TDRD12: variants seen among roughly 807,000 people sequenced by gnomAD.
TDRD12 encodes the protein tudor domain containing 12, also known as putative ATP-dependent RNA helicase TDRD12.
A neutral mutation model predicts 133.5 loss-of-function variants in TDRD12; 158 were observed. The ratio of observed to expected loss-of-function variants is 1.18; its 90% CI spans 1.04 to 1.35. The LOEUF (loss-of-function observed/expected upper bound fraction) is 1.35, where lower values mean the gene tolerates loss of function less well. Ranked by LOEUF, TDRD12 falls within the 40% of genes most tolerant of loss-of-function variation. The pLI is 0.00. For missense variants in TDRD12, 1,443 were observed against 1,321.3 expected (o/e 1.09, Z -1.43); for synonymous variants, 460 against 477.9 (o/e 0.96, Z 0.49).
At chr19:32,823,846 G>T (rs1378679254), downstream of TDRD12, among the ~76,000 whole-genome samples, 1 of 152,220 alleles carries the variant, frequency 6.6e-6, no homozygotes, top group African/African-American at 2.4e-5. Flanking sequence ...TGCAGAGTGG[G>T]GCTGAAGAGG....
Position 32,827,158 on chromosome 19 carries a change from CTTTAGTAGTGAAT to C in TDRD12, c.1050-4_*6del. 1 of 1,204,012 alleles carries C rather than the reference CTTTAGTAGTGAAT, an allele frequency of 8.3e-7. No homozygotes were observed. Among genetic ancestry groups the C allele is most frequent in the Non-Finnish European group, 1.0e-6 (1 of 962,418 alleles). 74.6% of individuals were successfully genotyped at this position (1,204,012 alleles called of 1,614,324 possible). Reference sequence around the variant, plus strand: ...ACTTATTTGTTATAATATCTTACTCCTTTAGTAGTGAATTCTAAAAACCTGCCGTACACAGTGA... The same window carrying C: ...ACTTATTTGTTATAATATCTTACTCCTCTAAAAACCTGCCGTACACAGTGA... On this transcript the variant is annotated splice_acceptor_variant and splice_polypyrimidine_tract_variant and coding_sequence_variant and 3_prime_UTR_variant and intron_variant, in exon 10 of 10. Transcript: ENST00000637289. LOFTEE classifies it high-confidence loss of function.
chr19:32,757,044 A>C (rs1169019113), exon 8 of TDRD12: 3 of 1,551,492 alleles, frequency 1.9e-6, no homozygotes, highest in Non-Finnish European at 2.6e-6. Context: ...TCAGATTCAC[A>C]TGGTGTAAAT....
At chr19:32,799,773 C>T (rs566886337) in intron 16 of TDRD12, among the ~76,000 whole-genome samples, 10 of 127,896 alleles carry the variant, frequency 7.8e-5, no homozygotes, top group African/African-American at 2.4e-4. Context: ...CCACCCTCGT[C>T]GCCCAGGCTG....
chr19:32,796,056 G>A, intron 14 of TDRD12: 2 of 589,602 alleles, frequency 3.4e-6, no homozygotes, highest in South Asian at 7.4e-5. Context: ...AAGAGGTGGT[G>A]GGAAAGAGAG....
intron 5 of TDRD12, 43 bp from the exon 6 acceptor site, chr19:32,749,741 C>A: frequency 7.1e-7 from 1 of 1,402,188 alleles, no homozygotes; most frequent in Non-Finnish European, 9.8e-7. Context: ...TTCAAATATA[C>A]TTTTAACATC....
chr19:32,812,153 G>A (rs1252007341), intron 24 of TDRD12, among the ~76,000 whole-genome samples: 7 of 152,222 alleles, frequency 4.6e-5, no homozygotes, highest in Non-Finnish European at 1.0e-4. Context: ...GGCTCCATGC[G>A]GGCTCACGTG....
At chr19:32,774,506 A>T (rs1438484749) in intron 10 of TDRD12, among the ~76,000 whole-genome samples, 2 of 151,578 alleles carry the variant, frequency 1.3e-5, no homozygotes, top group Admixed American at 1.3e-4. Context: ...TTTGAAAAGG[A>T]TACCTTTGCT....
chr19:32,745,992 G>A lies in TDRD12; in HGVS notation c.441-2484G>A, dbSNP rs1969604291. Among the ~76,000 whole-genome samples, 3 of 122,394 alleles carry A rather than the reference G, an allele frequency of 2.5e-5. No homozygotes were observed. The South Asian group carries it at 7.8e-4, about 32-fold the overall frequency. 80.3% of individuals were successfully genotyped at this position (122,394 alleles called of 152,430 possible). A position where few individuals can be genotyped will look rare whatever the true frequency, so the allele number is the denominator to read the frequency against. ...GCTGATGTGGTCATTCTGTGTGTGT[G>A]TGTGTGTGAGAGAGAGAAGGAGAGA... On this transcript the variant is annotated intron_variant, in intron 4 of 27. Transcript: ENST00000444215.
intron 11 of TDRD12, among the ~76,000 whole-genome samples, chr19:32,784,448 T>C (rs1179860940): frequency 6.6e-6 from 1 of 152,152 alleles, no homozygotes; most frequent in Non-Finnish European, 1.5e-5. Flanking sequence ...GGCCTAAAAT[T>C]CTTTTTTTGT....
At chr19:32,746,357 A>G (rs1969628077) in intron 4 of TDRD12, among the ~76,000 whole-genome samples, 1 of 69,316 alleles carries the variant, frequency 1.4e-5, no homozygotes, top group African/African-American at 6.0e-5. Context: ...AGAGAGGGGG[A>G]GAGAGACTGG....
intron 8 of TDRD12, 66 bp downstream of exon 8, chr19:32,757,196 A>G: frequency 7.7e-7 from 1 of 1,305,356 alleles, no homozygotes; most frequent in Non-Finnish European, 1.1e-6. Flanking sequence ...CTTTTTAAAG[A>G]TTAGAAAGGT....
intron 11 of TDRD12, among the ~76,000 whole-genome samples, chr19:32,781,295 C>T (rs1970758735): frequency 6.6e-6 from 1 of 152,186 alleles, no homozygotes; most frequent in Admixed American, 6.5e-5. Context: ...GTTATCTAAA[C>T]TCAGGTTCTC....
At chr19:32,813,813 G>A in intron 25 of TDRD12, 37 bp downstream of exon 25, 1 of 1,190,772 alleles carries the variant, frequency 8.4e-7, no homozygotes, top group South Asian at 1.4e-5. Flanking sequence ...AAATTTGTTT[G>A]AATGGGCGGC....
At chr19:32,804,425 G>T (rs1279871015) in intron 21 of TDRD12, among the ~76,000 whole-genome samples, 1 of 150,934 alleles carries the variant, frequency 6.6e-6, no homozygotes, top group Admixed American at 6.6e-5. Context: ...CAGGTGCAGT[G>T]GCTCACACCT....
downstream of TDRD12, chr19:32,821,369 AGTGTGTGT>A (rs59054756): frequency 8.2e-3 from 2,880 of 351,410 alleles, 33 homozygotes; most frequent in African/African-American, 0.04. Context: ...AGCTCAGCAG[AGTGTGTGT>A]GTGTGTGTGT....
chr19:32,734,939 A>G (rs1017076474), intron 2 of TDRD12, among the ~76,000 whole-genome samples: 14 of 152,170 alleles, frequency 9.2e-5, no homozygotes, highest in African/African-American at 3.4e-4. Context: ...TTGGGGTGCC[A>G]CGAATTGCAC....
At chr19:32,736,286 C>G (rs547794438) in intron 2 of TDRD12, among the ~76,000 whole-genome samples, 1 of 152,090 alleles carries the variant, frequency 6.6e-6, no homozygotes, top group African/African-American at 2.4e-5. Context: ...TATGGTGGCA[C>G]GTGTCCACAG....
chr19:32,730,825 G>A (rs1057313409), intron 1 of TDRD12, among the ~76,000 whole-genome samples: 4 of 152,254 alleles, frequency 2.6e-5, no homozygotes, highest in East Asian at 3.9e-4. Flanking sequence ...AGACCAGCCT[G>A]GCCAACATGA....
At chr19:32,733,995 C>T (rs976420504) in intron 2 of TDRD12, among the ~76,000 whole-genome samples, 14 of 151,782 alleles carry the variant, frequency 9.2e-5, no homozygotes, top group African/African-American at 2.7e-4. Flanking sequence ...GGGTTCACGC[C>T]GTTCTCCCGC....
Sources: allele counts gnomAD v4.1 joint callset (sites outside exome capture counted in the v4.1 genomes callset), GRCh38; gene constraint gnomAD v4.1.1; transcripts MANE v1.5; gene names NCBI Gene and HGNC (gene_info 2026-07-23, HGNC 2026-07-21).